Variants in GMDS observed in about 807,000 individuals in gnomAD.
The protein encoded by GMDS is GDP-mannose 4,6 dehydratase.
In GMDS, 20 loss-of-function variants were observed where a neutral mutation model predicts 49.9. The observed-to-expected ratio is 0.40, with a 90% CI of 0.28 to 0.58. The LOEUF is 0.58. Ranked by LOEUF, GMDS falls within the 20% of genes least tolerant of loss-of-function variation. GMDS has a pLI of 0.42. For synonymous variants in GMDS, 177 were observed against 178.6 expected (o/e 0.99, Z 0.07); for missense variants, 362 against 481.4 (o/e 0.75, Z 2.32).
At chr6:2,018,276 T>G (rs1768031949) in intron 4 of GMDS, among the ~76,000 whole-genome samples, 1 of 152,224 alleles carries the variant, frequency 6.6e-6, no homozygotes, top group South Asian at 2.1e-4. Context: ...CATACATAGC[T>G]TCACTTAGTG....
intron 7 of GMDS, among the ~76,000 whole-genome samples, chr6:1,794,679 C>T (rs1769669124): frequency 6.6e-6 from 1 of 152,174 alleles, no homozygotes; most frequent in Non-Finnish European, 1.5e-5. Flanking sequence ...GTACCCAAAT[C>T]ATTTTATAGA....
At chr6:1,654,922 G>A (rs767970882) in intron 9 of GMDS, among the ~76,000 whole-genome samples, 6 of 151,900 alleles carry the variant, frequency 3.9e-5, no homozygotes, top group African/African-American at 1.5e-4. Flanking sequence ...TTAGCTGGGC[G>A]TGGTGGTGCG....
At chr6:1,716,664 A>G (rs2318106) in intron 9 of GMDS, among the ~76,000 whole-genome samples, 127,538 of 152,078 alleles carry the variant, frequency 0.84, 53,930 homozygotes, top group East Asian at 1. Context: ...CAGGGTTCCC[A>G]GACTGGGCCA....
intron 7 of GMDS, among the ~76,000 whole-genome samples, chr6:1,789,274 T>A (rs1489593429): frequency 6.6e-6 from 1 of 152,190 alleles, no homozygotes; most frequent in Non-Finnish European, 1.5e-5. Flanking sequence ...TAGTCATGAC[T>A]GACTGAACCA....
chr6:2,243,843 CTTTTTTTTTTTTTTTT>C (rs68171156), intron 1 of GMDS, among the ~76,000 whole-genome samples: 86 of 58,168 alleles, frequency 1.5e-3, no homozygotes, highest in Non-Finnish European at 2.1e-3. Flanking sequence ...ACTTCTCCTT[CTTTTTTTTTTTTTTTT>C]TTTTTTTTTT....
At chr6:1,920,167 T>C (rs1761645101) in intron 7 of GMDS, among the ~76,000 whole-genome samples, 1 of 152,246 alleles carries the variant, frequency 6.6e-6, no homozygotes, top group African/African-American at 2.4e-5. Flanking sequence ...AAAAAGGTTT[T>C]GTTTTGTGTC....
At chr6:1,913,972 T>A (rs1422045403) in intron 7 of GMDS, among the ~76,000 whole-genome samples, 1 of 151,908 alleles carries the variant, frequency 6.6e-6, no homozygotes, top group African/African-American at 2.4e-5. Flanking sequence ...AAGGAAAAAA[T>A]AATACAGTAT....
At chr6:1,657,103 G>A (rs1308712075) in intron 9 of GMDS, among the ~76,000 whole-genome samples, 2 of 152,194 alleles carry the variant, frequency 1.3e-5, no homozygotes, top group Non-Finnish European at 2.9e-5. Flanking sequence ...TGGCTCCTTG[G>A]GAGCCTTGGT....
At chr6:2,122,038 T>C (rs540081982) in intron 2 of GMDS, among the ~76,000 whole-genome samples, 6 of 152,358 alleles carry the variant, frequency 3.9e-5, no homozygotes, top group African/African-American at 1.4e-4. Context: ...TCCTCTGCTA[T>C]CCCTAAGTAG....
chr6:2,226,848 G>T (rs1780834382), intron 1 of GMDS, among the ~76,000 whole-genome samples: 1 of 152,138 alleles, frequency 6.6e-6, no homozygotes, highest in East Asian at 1.9e-4. Flanking sequence ...CCTCACCCTA[G>T]ACCCCCAGAT....
intron 7 of GMDS, among the ~76,000 whole-genome samples, chr6:1,770,774 A>C (rs1293521156): frequency 1.3e-5 from 2 of 152,254 alleles, no homozygotes; most frequent in Non-Finnish European, 2.9e-5. Context: ...CTTAATGAGG[A>C]TAGAAGATCA....
intron 7 of GMDS, among the ~76,000 whole-genome samples, chr6:1,825,666 T>C (rs760669135): frequency 6.6e-6 from 1 of 152,196 alleles, no homozygotes; most frequent in Non-Finnish European, 1.5e-5. Flanking sequence ...ATTATTTGTG[T>C]TTCTAAACAT....
At chr6:2,105,181 CAAAAAAAA>C (rs530164439) in intron 4 of GMDS, among the ~76,000 whole-genome samples, 2 of 64,422 alleles carry the variant, frequency 3.1e-5, no homozygotes, top group East Asian at 9.7e-4. Flanking sequence ...GACTCCGTCT[CAAAAAAAA>C]AAAAAAAAAA....
At chr6:1,741,914 T>TA (rs1410011650) in intron 8 of GMDS, among the ~76,000 whole-genome samples, 2 of 128,918 alleles carry the variant, frequency 1.6e-5, no homozygotes, top group African/African-American at 6.4e-5. Flanking sequence ...TAAATGAAAG[T>TA]AAAAACATCT....
chr6:1,742,260 CT>C (rs1170595183), intron 8 of GMDS, among the ~76,000 whole-genome samples: 3 of 152,048 alleles, frequency 2.0e-5, no homozygotes, highest in Non-Finnish European at 4.4e-5. Context: ...TGTGGAAAAA[CT>C]TGGTTTAGAT....
intron 1 of GMDS, among the ~76,000 whole-genome samples, chr6:2,219,137 T>C (rs1418620155): frequency 1.3e-5 from 2 of 152,154 alleles, no homozygotes; most frequent in Admixed American, 6.5e-5. Flanking sequence ...AGGTCGGTCC[T>C]CTGAGAAGAG....
At chr6:1,774,663 A>G (rs370871943) in intron 7 of GMDS, among the ~76,000 whole-genome samples, 22 of 152,346 alleles carry the variant, frequency 1.4e-4, no homozygotes, top group African/African-American at 4.8e-4. Context: ...CTACAGTCAC[A>G]TTGAAAACAT....
At chr6:1,837,376 T>TG (rs1307234180) in intron 7 of GMDS, among the ~76,000 whole-genome samples, 2 of 152,204 alleles carry the variant, frequency 1.3e-5, no homozygotes, top group Non-Finnish European at 2.9e-5. Context: ...AAATGTGGTC[T>TG]TTGCAGAATG....
intron 1 of GMDS, among the ~76,000 whole-genome samples, chr6:2,184,126 G>T (rs925540054): frequency 4.6e-5 from 7 of 152,128 alleles, no homozygotes; most frequent in Admixed American, 4.6e-4. Context: ...TCAGAGGTAT[G>T]CCTGTATCAT....
Sources: gnomAD v4.1 joint callset for allele counts (sites outside exome capture counted in the v4.1 genomes callset) on GRCh38, gnomAD v4.1.1 for gene constraint, MANE v1.5 for transcripts, NCBI Gene and HGNC (gene_info 2026-07-23, HGNC 2026-07-21) for gene names.